PTPN5: variants seen among roughly 807,000 people sequenced by gnomAD.
PTPN5 encodes the protein tyrosine-protein phosphatase non-receptor type 5.
In PTPN5, 29 loss-of-function variants were observed where a neutral mutation model predicts 73.9. The ratio of observed to expected loss-of-function variants is 0.39; its 90% CI spans 0.29 to 0.54. The LOEUF is 0.54. Among genes scored for constraint, PTPN5 ranks in the 20% least tolerant of loss-of-function variants. PTPN5 has a pLI of 0.65. For synonymous variants in PTPN5, 267 were observed against 304.7 expected (o/e 0.88, Z 1.29); for missense variants, 652 against 751.4 (o/e 0.87, Z 1.55).
Position 18,729,566 on chromosome 11 carries a change from A to G in PTPN5, c.1491T>C (p.Ser497=). 1 of 1,585,212 alleles carries G rather than the reference A, an allele frequency of 6.3e-7. No individual in the cohort carries two copies. The highest frequency in any genetic ancestry group is 1.1e-5 in the South Asian group (1 of 90,676). The change falls in exon 14 of 15, where the codon AGT becomes AGC. Residue 497 remains serine, a splice_region_variant and synonymous_variant. Transcript: ENST00000358540. The surrounding 1 kb of genome is among the most constrained non-coding windows in gnomAD (Gnocchi z 5.2). ...AGCAGCCGGTCCTCCCAATCCCTGC[A>G]CTGAGGGCCGAGGGGACCGGTGGGG... The part of the protein sequence containing the change: ...PHCAPIIVHC[S]AGIGRTGCFI...
intron 3 of PTPN5, among the ~76,000 whole-genome samples, chr11:18,745,298 A>T (rs747753065): frequency 6.6e-6 from 1 of 152,238 alleles, no homozygotes; most frequent in Non-Finnish European, 1.5e-5. Context: ...TGGGCCCAGC[A>T]TAGCCGTTTG....
At chr11:18,749,447 C>T (rs771063947) in intron 3 of PTPN5, 1 of 503,554 alleles carries the variant, frequency 2.0e-6, no homozygotes, top group South Asian at 1.4e-5. Flanking sequence ...AGGGTCACTG[C>T]AGCAAGGCAG....
At chr11:18,758,142 G>T (rs1025869314) in intron 3 of PTPN5, among the ~76,000 whole-genome samples, 4 of 152,196 alleles carry the variant, frequency 2.6e-5, no homozygotes, top group African/African-American at 9.6e-5. Flanking sequence ...AGGATGTGCT[G>T]GTGGATGAAG....
In PTPN5 at chr11:18,789,300, T is replaced by A. The variant is rs188217236; in HGVS notation, c.-114+2225A>T. Among the ~76,000 whole-genome samples, 419 of 152,294 alleles carry A rather than the reference T, an allele frequency of 2.8e-3. 3 individuals carry two copies. The highest frequency in any genetic ancestry group is 9.8e-3 in the African/African-American group (406 of 41,552). Reference sequence around the variant, plus strand: ...TAAAGCAAAAGAAGCCCATAGCAGTTACATAAATACGTGCTCCCACCCCAC... The same window carrying A: ...TAAAGCAAAAGAAGCCCATAGCAGTAACATAAATACGTGCTCCCACCCCAC... On this transcript the variant is annotated intron_variant, in intron 1 of 14. Transcript: ENST00000358540.
At chr11:18,752,925 G>T (rs914056561) in intron 3 of PTPN5, among the ~76,000 whole-genome samples, 1 of 152,212 alleles carries the variant, frequency 6.6e-6, no homozygotes, top group African/African-American at 2.4e-5. Context: ...TGAGAAAACT[G>T]ATGAGATCCA....
chr11:18,733,787 G>T lies in PTPN5; in HGVS notation c.1001-152C>A. ...GCAGCAAAACATTGACCCATTCATG[G>T]TTCATTTTGTAGGTGAGGACTCAGG... On this transcript the variant is annotated intron_variant, in intron 9 of 14. Coordinates refer to ENST00000358540, the MANE Select transcript of PTPN5 (RefSeq NM_006906.2). This position sits in a 1 kb window ranked among gnomAD's most constrained non-coding sequence, Gnocchi z 4.3. The T allele has an allele frequency of 1.4e-6, 1 of 733,082 alleles. No individual in the cohort carries two copies. The allele number at this position is 733,082 out of a possible 1,614,324, so 45.4% of individuals were successfully genotyped here. A position where few individuals can be genotyped will look rare whatever the true frequency, so the allele number is the denominator to read the frequency against.
At position 18,771,882 on chromosome 11, in the gene PTPN5, A is replaced by G. The variant is rs879198078; in HGVS notation, c.20+57T>C. On this transcript the variant is annotated intron_variant, in intron 2 of 14. Transcript: ENST00000358540. ...CGTGTCCCAGAGCATCCAGATGGAG[A>G]AGGCTTGGCCTCCTCAGTGGGCGGG... The G allele has an allele frequency of 4.5e-5, 67 of 1,484,152 alleles. No homozygotes were observed. The South Asian group carries it at 7.3e-4, about 16-fold the overall frequency. 91.9% of individuals were successfully genotyped at this position (1,484,152 alleles called of 1,614,324 possible). A position where few individuals can be genotyped will look rare whatever the true frequency, so the allele number is the denominator to read the frequency against.
At chr11:18,738,063 T>A in intron 8 of PTPN5, 99 bp from the exon 9 acceptor site, 1 of 897,348 alleles carries the variant, frequency 1.1e-6, no homozygotes, top group Non-Finnish European at 1.9e-6. Context: ...AGGGGCTGGC[T>A]TGAGTGCACG....
chr11:18,756,764 TA>T (rs1403650797), intron 3 of PTPN5, among the ~76,000 whole-genome samples: 6 of 147,648 alleles, frequency 4.1e-5, no homozygotes, highest in African/African-American at 7.4e-5. Flanking sequence ...CTACTAAAAA[TA>T]AAAAAAAAAT....
intron 3 of PTPN5, chr11:18,749,477 T>TGGGGGG: frequency 5.1e-6 from 1 of 195,836 alleles, no homozygotes; most frequent in Non-Finnish European, 1.0e-5. Context: ...ATGTCTGGGG[T>TGGGGGG]CGGGGGAGGG....
intron 8 of PTPN5, chr11:18,740,386 T>A: frequency 2.4e-6 from 1 of 423,220 alleles, no homozygotes. Context: ...CTCTTTAATC[T>A]TTGCAACAAT....
At chr11:18,791,344 G>T (rs1851915693) in intron 1 of PTPN5, among the ~76,000 whole-genome samples, 181 bp downstream of exon 1, 1 of 152,182 alleles carries the variant, frequency 6.6e-6, no homozygotes, top group Non-Finnish European at 1.5e-5. Context: ...TCTGCATGGG[G>T]GACCCCTCCC....
Position 18,733,595 on chromosome 11 carries a change from G to T in PTPN5, c.1041C>A (p.Asp347Glu). Residue 347 changes from aspartate (D) to glutamate (E), a missense_variant, in exon 10 of 15, where the codon GAC becomes GAA. Physicochemically the swap from Asp to Glu is conservative, Grantham distance 45. This residue lies in a region of PTPN5 where 529 missense variants were observed against 573.9 expected (regional missense o/e 0.92). Transcript: ENST00000358540. The surrounding 1 kb of genome is among the most constrained non-coding windows in gnomAD (Gnocchi z 4.3). ...SRVCLTSPDPDDPLSSYINAN... is the reference protein window; with the variant it reads ...SRVCLTSPDPEDPLSSYINAN... ...CATTGATGTAGGAACTCAGAGGGTC[G>T]TCAGGGTCTGGTGAGGTCAGACACA... The T allele has an allele frequency of 1.2e-6, 2 of 1,614,198 alleles. No homozygotes were observed. Among genetic ancestry groups the T allele is most frequent in the Non-Finnish European group, 1.7e-6 (2 of 1,180,016 alleles).
chr11:18,761,187 A>G (rs1449480843), intron 3 of PTPN5, among the ~76,000 whole-genome samples: 1 of 152,202 alleles, frequency 6.6e-6, no homozygotes, highest in African/African-American at 2.4e-5. Context: ...ACGAGTCTGC[A>G]TGATGATGCT....
chr11:18,769,226 C>A (rs1008280390), intron 2 of PTPN5, among the ~76,000 whole-genome samples: 2 of 152,200 alleles, frequency 1.3e-5, no homozygotes, highest in Admixed American at 1.3e-4. Flanking sequence ...CCCCTCCTTG[C>A]AGGCTCCCAG....
chr11:18,774,425 C>G (rs751010529), intron 1 of PTPN5, among the ~76,000 whole-genome samples: 3 of 152,232 alleles, frequency 2.0e-5, no homozygotes, highest in Non-Finnish European at 4.4e-5. Context: ...TCGCTGACAA[C>G]AGAAAGGCGT....
intron 3 of PTPN5, among the ~76,000 whole-genome samples, chr11:18,763,949 T>C (rs1454138431): frequency 6.6e-6 from 1 of 152,242 alleles, no homozygotes; most frequent in Non-Finnish European, 1.5e-5. Context: ...CACACCGTGC[T>C]ACTCTCTGGA....
Position 18,778,374 on chromosome 11 carries a change from GTC to G in PTPN5, c.-113-6305_-113-6304del, listed in dbSNP as rs200893656. On this transcript the variant is annotated intron_variant, in intron 1 of 14. Coordinates refer to ENST00000358540, the MANE Select transcript of PTPN5 (RefSeq NM_006906.2). ...CTGGCCTTCTGCTCTGATGGGCAGAGTCTCTGCCTTCTAGGATTAGGCCTTGT... is the reference window on the plus strand; with the variant it reads ...CTGGCCTTCTGCTCTGATGGGCAGAGTCTGCCTTCTAGGATTAGGCCTTGT... Among the ~76,000 whole-genome samples the G allele has an allele frequency of 8.5e-3, 1,298 of 152,364 alleles. 18 individuals carry two copies. The highest frequency in any genetic ancestry group is 0.029 in the African/African-American group (1,213 of 41,570).
chr11:18,729,579 G>A lies in PTPN5; in HGVS notation c.1491-13C>T, dbSNP rs1424445128. 1.9e-6 allele frequency: 3 copies of A among 1,573,598 alleles called. No individual in the cohort carries two copies. Among genetic ancestry groups the A allele is most frequent in the Non-Finnish European group, 2.6e-6 (3 of 1,155,902 alleles). On this transcript the variant is annotated splice_polypyrimidine_tract_variant and intron_variant, in intron 13 of 14. Transcript: ENST00000358540. The surrounding 1 kb of genome is among the most constrained non-coding windows in gnomAD (Gnocchi z 5.2). ...CCCAATCCCTGCACTGAGGGCCGAG[G>A]GGACCGGTGGGGTGAGGGGCAGGGC...
Sources: gnomAD v4.1 joint callset for allele counts (sites outside exome capture counted in the v4.1 genomes callset) on GRCh38, gnomAD v4.1.1 for gene constraint, gnomAD v4.1.1 regional missense constraint, Gnocchi (gnomAD v3.1) non-coding constraint, MANE v1.5 for transcripts, NCBI Gene and HGNC (gene_info 2026-07-23, HGNC 2026-07-21) for gene names.